Variants in ACOXL observed in about 807,000 individuals in gnomAD.
ACOXL encodes acyl-coenzyme A oxidase-like protein.
A neutral mutation model predicts 71.9 loss-of-function variants in ACOXL; 70 were observed. That is an observed-to-expected ratio of 0.97 (90% confidence interval 0.80 to 1.19). The LOEUF is 1.19. ACOXL is among the 50% of genes most tolerant of loss of function. ACOXL has a pLI of 0.00. For missense variants in ACOXL, 703 were observed against 736.3 expected, an observed-to-expected ratio of 0.95 and a Z score of 0.52; for synonymous variants, 253 against 281.6, an observed-to-expected ratio of 0.90 and a Z score of 1.02.
chr2:110,897,945 A>G (rs1187131390), intron 10 of ACOXL, among the ~76,000 whole-genome samples: 1 of 151,990 alleles, frequency 6.6e-6, no homozygotes, highest in East Asian at 2.0e-4. Flanking sequence ...CAAAAGAATA[A>G]TAAGAGAATA....
At chr2:110,746,472 TC>T (rs962814803) in intron 1 of ACOXL, among the ~76,000 whole-genome samples, 1 of 151,942 alleles carries the variant, frequency 6.6e-6, no homozygotes, top group African/African-American at 2.4e-5. Flanking sequence ...CCTTCCTACT[TC>T]CCATTTACTT....
chr2:110,736,186 A>G (rs1676816344), intron 1 of ACOXL, among the ~76,000 whole-genome samples: 1 of 152,202 alleles, frequency 6.6e-6, no homozygotes, highest in Middle Eastern at 3.2e-3. Flanking sequence ...GTTTCCTAAA[A>G]TGTTTCCTCC....
intron 9 of ACOXL, among the ~76,000 whole-genome samples, chr2:110,840,336 G>A (rs1691005904): frequency 6.6e-6 from 1 of 152,118 alleles, no homozygotes. Context: ...ATTTTGGAAT[G>A]TACTAACATT....
chr2:111,022,440 C>CAT (rs2064810682), intron 14 of ACOXL, among the ~76,000 whole-genome samples: 1 of 151,338 alleles, frequency 6.6e-6, no homozygotes, highest in African/African-American at 2.4e-5. Context: ...CACACACACA[C>CAT]ACACACACAA....
At chr2:110,777,153 T>G (rs151338792) in intron 2 of ACOXL, among the ~76,000 whole-genome samples, 90 of 152,132 alleles carry the variant, frequency 5.9e-4, no homozygotes, top group Admixed American at 1.2e-3. Flanking sequence ...TCTAAACATG[T>G]TTGCGATGTT....
chr2:110,776,497 C>T (rs1255887527), intron 2 of ACOXL, among the ~76,000 whole-genome samples: 2 of 152,028 alleles, frequency 1.3e-5, no homozygotes, highest in African/African-American at 2.4e-5. Flanking sequence ...AGGTGGGGGC[C>T]TCATGATGAG....
At chr2:111,073,932 C>A (rs2067468019) in intron 16 of ACOXL, among the ~76,000 whole-genome samples, 1 of 152,022 alleles carries the variant, frequency 6.6e-6, no homozygotes, top group African/African-American at 2.4e-5. Flanking sequence ...TTTTTTATTT[C>A]CAGCATAAGG....
chr2:110,919,239 A>C (rs891253076), intron 11 of ACOXL, among the ~76,000 whole-genome samples: 4 of 152,224 alleles, frequency 2.6e-5, no homozygotes, highest in South Asian at 2.1e-4. Flanking sequence ...AAAAAGGATG[A>C]GCTCTTGTCC....
chr2:110,908,193 AG>A (rs2059527579), intron 10 of ACOXL, among the ~76,000 whole-genome samples: 1 of 152,224 alleles, frequency 6.6e-6, no homozygotes, highest in Non-Finnish European at 1.5e-5. Context: ...AATTGTTCCA[AG>A]GAAAGCCTTT....
At chr2:110,932,036 C>T (rs1342383661) in intron 11 of ACOXL, among the ~76,000 whole-genome samples, 1 of 152,158 alleles carries the variant, frequency 6.6e-6, no homozygotes, top group Admixed American at 6.5e-5. Context: ...TGTTCATCAA[C>T]AAGTGAATGC....
intron 1 of ACOXL, among the ~76,000 whole-genome samples, chr2:110,735,644 C>T (rs1330961135): frequency 6.6e-6 from 1 of 152,200 alleles, no homozygotes; most frequent in Non-Finnish European, 1.5e-5. Context: ...GACTTTCTCT[C>T]TCCCAAGGAT....
chr2:111,088,835 A>G (rs1186998788), intron 16 of ACOXL, among the ~76,000 whole-genome samples: 2 of 152,230 alleles, frequency 1.3e-5, no homozygotes, highest in Non-Finnish European at 2.9e-5. Context: ...ATCTGAGATT[A>G]ATATAAATCC....
chr2:111,069,145 C>CTTTTTTT (rs1234410019), intron 16 of ACOXL, among the ~76,000 whole-genome samples: 158 of 135,140 alleles, frequency 1.2e-3, no homozygotes, highest in Non-Finnish European at 1.6e-3. Flanking sequence ...TCTTCTTTTT[C>CTTTTTTT]TTTTTTTTTT....
intron 9 of ACOXL, among the ~76,000 whole-genome samples, chr2:110,835,877 A>G (rs1238718127): frequency 6.6e-6 from 1 of 152,118 alleles, no homozygotes; most frequent in Non-Finnish European, 1.5e-5. Context: ...TTCCCAGGGG[A>G]GACTGATACT....
chr2:111,000,270 G>A (rs2063560835), intron 14 of ACOXL, among the ~76,000 whole-genome samples: 1 of 152,208 alleles, frequency 6.6e-6, no homozygotes, highest in Non-Finnish European at 1.5e-5. Flanking sequence ...AAGTTATGTG[G>A]AAAGTAGAAA....
chr2:110,939,571 G>A (rs1190335897), intron 12 of ACOXL, among the ~76,000 whole-genome samples: 1 of 152,072 alleles, frequency 6.6e-6, no homozygotes, highest in Non-Finnish European at 1.5e-5. Context: ...ATGTAAAATT[G>A]TTCCATTATT....
intron 9 of ACOXL, among the ~76,000 whole-genome samples, chr2:110,829,220 C>T (rs1689530994): frequency 1.3e-5 from 2 of 152,046 alleles, no homozygotes; most frequent in Admixed American, 1.3e-4. Flanking sequence ...CTTTTTGTGT[C>T]CTTTGTAGTT....
At chr2:110,838,065 A>C (rs139685009) in intron 9 of ACOXL, among the ~76,000 whole-genome samples, 2,063 of 152,336 alleles carry the variant, frequency 0.014, 52 homozygotes, top group African/African-American at 0.043. Flanking sequence ...CTGAATGCCA[A>C]AGTGTATCCA....
chr2:110,980,556 T>A (rs961037684), intron 12 of ACOXL, among the ~76,000 whole-genome samples: 4 of 152,202 alleles, frequency 2.6e-5, no homozygotes, highest in Non-Finnish European at 5.9e-5. Context: ...AACCACCTCA[T>A]TGGGCCTGTG....
Sources: allele counts gnomAD v4.1 joint callset (sites outside exome capture counted in the v4.1 genomes callset), GRCh38; gene constraint gnomAD v4.1.1; transcripts MANE v1.5; gene names NCBI Gene and HGNC (gene_info 2026-07-23, HGNC 2026-07-21).